Variants in FAM120AOS observed in about 807,000 individuals in gnomAD.
FAM120AOS encodes the protein uncharacterized protein FAM120AOS.
FAM120AOS carries 15 observed loss-of-function variants against 20.2 expected under a neutral mutation model. The ratio of observed to expected loss-of-function variants is 0.74; its 90% CI spans 0.50 to 1.15. The LOEUF (loss-of-function observed/expected upper bound fraction) is 1.15, where lower values mean the gene tolerates loss of function less well. Among genes scored for constraint, FAM120AOS ranks in the 50% most tolerant of loss-of-function variants. The pLI is 0.00. For missense variants in FAM120AOS, 327 were observed against 351.9 expected (o/e 0.93, Z 0.57); for synonymous variants, 154 against 154.0 (o/e 1.00, Z 0.00).
At chr9:93,448,655 T>C (rs1856948298) in intron 2 of FAM120AOS, among the ~76,000 whole-genome samples, 1 of 152,202 alleles carries the variant, frequency 6.6e-6, no homozygotes, top group Admixed American at 6.5e-5. Flanking sequence ...TCTCGCTCTG[T>C]TGCCCAGGCT....
At chr9:93,451,472 G>A (rs1857186834) in intron 1 of FAM120AOS, 5 of 1,098,980 alleles carry the variant, frequency 4.5e-6, no homozygotes, top group Non-Finnish European at 5.6e-6. Context: ...TCCAGGCGCT[G>A]CCTGCTCCGG....
At chr9:93,450,954 C>T (rs2131149430) in intron 1 of FAM120AOS, 1 of 1,399,866 alleles carries the variant, frequency 7.1e-7, no homozygotes, top group Admixed American at 2.0e-5. Context: ...CCTGTGCTCT[C>T]AAGACAGTCT....
chr9:93,444,183 G>A lies in FAM120AOS; in HGVS notation c.*3428C>T, dbSNP rs567893216. On this transcript the variant is annotated 3_prime_UTR_variant, in exon 3 of 3. Coordinates refer to ENST00000375412, the MANE Select transcript of FAM120AOS (RefSeq NM_198841.4). ...AGCCTCCCGAGTAGCTGGAATTATA[G>A]GCATGCACCACCACGCCCAGCTAAT... Among the ~76,000 whole-genome samples, 13 of 152,162 alleles carry A rather than the reference G, an allele frequency of 8.5e-5. No individual in the cohort carries two copies. The South Asian group carries it at 2.3e-3, about 27-fold the overall frequency.
In FAM120AOS at chr9:93,452,500, TC is replaced by T; in HGVS notation, c.209del (p.Gly70GlufsTer21). 2 of 1,545,766 alleles carry T rather than the reference TC, an allele frequency of 1.3e-6. No homozygotes were observed. Among genetic ancestry groups the T allele is most frequent in the Non-Finnish European group, 1.7e-6 (2 of 1,150,860 alleles). The stretch of plus-strand genomic sequence containing the variant: ...CGTGGCGGCGCTGGGGGCAGCGAGT[TC>T]CCCCAGCCCTTGCCCGGGATAGCCT... ...PARLSRARAGGTRCPQRRHGR... is the reference protein window; with the variant it reads ...PARLSRARAGXTRCPQRRHGR... On this transcript the variant is annotated frameshift_variant, in exon 1 of 3. Coordinates refer to ENST00000375412, the MANE Select transcript of FAM120AOS (RefSeq NM_198841.4). LOFTEE classifies it high-confidence loss of function. This position sits in a 1 kb window ranked among gnomAD's most constrained non-coding sequence, Gnocchi z 7.0.
intron 2 of FAM120AOS, among the ~76,000 whole-genome samples, chr9:93,449,794 G>C (rs575145444): frequency 6.6e-6 from 1 of 150,810 alleles, no homozygotes; most frequent in Non-Finnish European, 1.5e-5. Flanking sequence ...CCGCACTAAT[G>C]CATTTTTAAA....
rs1188420200 is a variant in FAM120AOS, at chr9:93,445,083, C to T, written c.*2528G>A. Among the ~76,000 whole-genome samples the T allele has an allele frequency of 6.6e-6, 1 of 152,134 alleles. No individual in the cohort carries two copies. Among genetic ancestry groups the T allele is most frequent in the Non-Finnish European group, 1.5e-5 (1 of 68,030 alleles). On this transcript the variant is annotated 3_prime_UTR_variant, in exon 3 of 3. Transcript: ENST00000375412. ...AAGGGATCCATTATCTGAAGAGTGG[C>T]TTAAGATTTAGAAGGCATAGCTCTA...
In FAM120AOS at chr9:93,444,290, T is replaced by C. The variant is rs1422108246; in HGVS notation, c.*3321A>G. On this transcript the variant is annotated 3_prime_UTR_variant, in exon 3 of 3. Transcript: ENST00000375412. ...CCTGACTTCAGGTGATCCACCCGTCTTGGCCTCCCAAAGTGCTGGGATGAC... is the reference window on the plus strand; with the variant it reads ...CCTGACTTCAGGTGATCCACCCGTCCTGGCCTCCCAAAGTGCTGGGATGAC... 6.6e-6 allele frequency among the ~76,000 whole-genome samples: 1 copy of C among 152,156 alleles called. No homozygotes were observed. The highest frequency in any genetic ancestry group is 1.5e-5 in the Non-Finnish European group (1 of 68,024).
rs1196049334 is a variant in FAM120AOS at position 93,445,705 on chromosome 9, C to T, written c.*1906G>A. Among the ~76,000 whole-genome samples, 3 of 151,264 alleles carry T rather than the reference C, an allele frequency of 2.0e-5. No homozygotes were observed. Among genetic ancestry groups the T allele is most frequent in the African/African-American group, 7.3e-5 (3 of 41,108 alleles). ...ACCTTGGCTCAAGTAGTCTTCCCACCTCAGCCTCCTGAGAAGATGGGACTA... is the reference window on the plus strand; with the variant it reads ...ACCTTGGCTCAAGTAGTCTTCCCACTTCAGCCTCCTGAGAAGATGGGACTA... On this transcript the variant is annotated 3_prime_UTR_variant, in exon 3 of 3. Transcript: ENST00000375412.
chr9:93,451,390 C>G, intron 1 of FAM120AOS: 1 of 1,395,992 alleles, frequency 7.2e-7, no homozygotes, highest in Non-Finnish European at 9.3e-7. Flanking sequence ...CCTCTCTGGC[C>G]CTGCCGGGAA....
At chr9:93,450,395 C>T in intron 2 of FAM120AOS, 84 bp downstream of exon 2, 1 of 1,483,158 alleles carries the variant, frequency 6.7e-7, no homozygotes, top group Non-Finnish European at 9.0e-7. Context: ...CCTAAAATAC[C>T]AGCAGCATTT....
intron 1 of FAM120AOS, chr9:93,450,802 G>C (rs1377457171): frequency 1.0e-6 from 1 of 970,862 alleles, no homozygotes; most frequent in Admixed American, 2.0e-5. Flanking sequence ...TTACGTAAAC[G>C]ACCTCCTTCC....
rs764260031 is a variant in FAM120AOS, at chr9:93,452,323, C to G, written c.387G>C (p.Gln129His). 3.0e-5 allele frequency: 49 copies of G among 1,612,914 alleles called. No individual in the cohort carries two copies. Among genetic ancestry groups the G allele is most frequent in the Non-Finnish European group, 3.6e-5 (42 of 1,179,896 alleles). The change falls in exon 1 of 3, where the codon CAG becomes CAC. Residue 129 changes from glutamine (Q) to histidine (H), a missense_variant. By Grantham distance (24) the Gln-to-His change is conservative. Coordinates refer to ENST00000375412, the MANE Select transcript of FAM120AOS (RefSeq NM_198841.4). This position sits in a 1 kb window ranked among gnomAD's most constrained non-coding sequence, Gnocchi z 7.0. ...ACAAGGGCACCCCGCCGCCAAAGGT[C>G]TGGTTCCTGCCGCCCGTCTGCATGG... ...QWAMQTGGRN[Q>H]TFGGGVPLFW... is the part of the protein sequence containing the mutation.
rs751021997 is a variant in FAM120AOS, at chr9:93,451,948, G to A, written c.563+199C>T. ...TGCAGGGCTTCCAGGACTACATCGA[G>A]AAGCACTGCCCGAGCGCCGTGGTGC... On this transcript the variant is annotated intron_variant, in intron 1 of 2. Coordinates refer to ENST00000375412, the MANE Select transcript of FAM120AOS (RefSeq NM_198841.4). 5.9e-6 allele frequency: 9 copies of A among 1,529,876 alleles called. No homozygotes were observed. In the Admixed American group the frequency reaches 1.7e-4, roughly 28 times the overall value. 94.8% of individuals were successfully genotyped at this position (1,529,876 alleles called of 1,614,324 possible). A position where few individuals can be genotyped will look rare whatever the true frequency, so the allele number is the denominator to read the frequency against.
In FAM120AOS at chr9:93,447,443, A is replaced by G. The variant is rs528597057; in HGVS notation, c.*168T>C. ...CCTTCACATTCAGATGTGTTAATAAAAGTGGATAAAGACCACTCTAGCTTT... is the reference window on the plus strand; with the variant it reads ...CCTTCACATTCAGATGTGTTAATAAGAGTGGATAAAGACCACTCTAGCTTT... On this transcript the variant is annotated 3_prime_UTR_variant, in exon 3 of 3. Transcript: ENST00000375412. 3.2e-6 allele frequency: 2 copies of G among 629,008 alleles called. No homozygotes were observed. The highest frequency in any genetic ancestry group is 3.9e-5 in the South Asian group (2 of 51,040). 39.0% of individuals were successfully genotyped at this position (629,008 alleles called of 1,614,324 possible).
Position 93,452,269 on chromosome 9 carries a change from G to C in FAM120AOS, c.441C>G (p.Ala147=), listed in dbSNP as rs770454889. The change falls in exon 1 of 3, where the codon GCC becomes GCG. Residue 147 remains alanine (A), a synonymous_variant. Transcript: ENST00000375412. This position sits in a 1 kb window ranked among gnomAD's most constrained non-coding sequence, Gnocchi z 7.0. ...AGCGGCAGGGCAACGAGCGCCAGAC[G>C]GCACAGCAGATCGTCAGCCATGTCC... ...LFWTWLTICC[A]VWRSLPCRLT... 8.1e-6 allele frequency: 13 copies of C among 1,612,218 alleles called. No homozygotes were observed. Among genetic ancestry groups the C allele is most frequent in the African/African-American group, 1.3e-5 (1 of 74,908 alleles).
At position 93,453,185 on chromosome 9, in the gene FAM120AOS, C is replaced by T. The variant is rs1485028559; in HGVS notation, c.-476G>A. ...GGGGCGAACTACGCGGGCGTGAACTCGCAGGATTTATTTTTCGGGTGCACA... is the reference window on the plus strand; with the variant it reads ...GGGGCGAACTACGCGGGCGTGAACTTGCAGGATTTATTTTTCGGGTGCACA... On this transcript the variant is annotated 5_prime_UTR_variant, in exon 1 of 3. Coordinates refer to ENST00000375412, the MANE Select transcript of FAM120AOS (RefSeq NM_198841.4). 4 of 999,146 alleles carry T rather than the reference C, an allele frequency of 4.0e-6. No homozygotes were observed. The highest frequency in any genetic ancestry group is 5.0e-4 in the Middle Eastern group (1 of 2,006). 61.9% of individuals were successfully genotyped at this position (999,146 alleles called of 1,614,324 possible).
At chr9:93,448,390 AG>A (rs1856933435) in intron 2 of FAM120AOS, 2 of 175,928 alleles carry the variant, frequency 1.1e-5, no homozygotes, top group African/African-American at 4.8e-5. Flanking sequence ...GCTACTCCAG[AG>A]GCTGAGGCAG....
Position 93,452,805 on chromosome 9 carries a change from T to G in FAM120AOS, c.-96A>C. On this transcript the variant is annotated 5_prime_UTR_variant, in exon 1 of 3. Coordinates refer to ENST00000375412, the MANE Select transcript of FAM120AOS (RefSeq NM_198841.4). This position sits in a 1 kb window ranked among gnomAD's most constrained non-coding sequence, Gnocchi z 7.0. ...GTTCTTTCCCAGCAACAGGTTCATC[T>G]TGGAAGCAGGCAGGATACAGAGTAA... 1 of 1,586,298 alleles carries G rather than the reference T, an allele frequency of 6.3e-7. No individual in the cohort carries two copies. The highest frequency in any genetic ancestry group is 1.3e-5 in the African/African-American group (1 of 74,476).
rs138719486 is a variant in FAM120AOS, at chr9:93,450,518, G to C, written c.645C>G (p.His215Gln). 7.3e-4 allele frequency: 1,166 copies of C among 1,599,394 alleles called. 2 individuals carry two copies. Among genetic ancestry groups the C allele is most frequent in the Non-Finnish European group, 8.6e-4 (1,009 of 1,173,524 alleles). ...LLPSTWSLHAHGLAKEAPILP... is the reference protein window; with the variant it reads ...LLPSTWSLHAQGLAKEAPILP... ...GTATGGGGGCTTCTTTGGCCAAACC[G>C]TGCGCGTGCAGGCTCCATGTGCTGG... Residue 215 changes from histidine to glutamine, a missense_variant, in exon 2 of 3, where the codon CAC becomes CAG. Physicochemically the swap from His to Gln is conservative, Grantham distance 24. Transcript: ENST00000375412.
Sources: gnomAD v4.1 joint callset for allele counts (sites outside exome capture counted in the v4.1 genomes callset) on GRCh38, gnomAD v4.1.1 for gene constraint, Gnocchi (gnomAD v3.1) non-coding constraint, MANE v1.5 for transcripts, NCBI Gene and HGNC (gene_info 2026-07-23, HGNC 2026-07-21) for gene names.